The following CSMD3 variants were observed in gnomAD, a reference collection of about 807,000 sequenced individuals.
CSMD3 encodes the protein CUB and sushi domain-containing protein 3.
CSMD3 carries 177 observed loss-of-function variants against 435.2 expected under a neutral mutation model. The observed-to-expected ratio is 0.41, with a 90% CI of 0.36 to 0.46. The LOEUF (loss-of-function observed/expected upper bound fraction) is 0.46. CSMD3 is among the 20% of genes least tolerant of loss of function. The pLI, the probability that CSMD3 is intolerant of heterozygous loss-of-function variation, is 0.34. For missense variants in CSMD3, 4,265 were observed against 4,504.6 expected, an observed-to-expected ratio of 0.95 and a Z score of 1.52; for synonymous variants, 1,656 against 1,520.5, an observed-to-expected ratio of 1.09 and a Z score of -2.07.
At chr8:112,394,649 C>T (rs912607993) in intron 35 of CSMD3, among the ~76,000 whole-genome samples, 10 of 152,132 alleles carry the variant, frequency 6.6e-5, no homozygotes, top group African/African-American at 2.4e-4. Flanking sequence ...ATTCATCCCT[C>T]CCTCTGTTCA....
chr8:112,526,345 G>T (rs998965903), intron 27 of CSMD3, among the ~76,000 whole-genome samples: 2 of 151,872 alleles, frequency 1.3e-5, no homozygotes, highest in African/African-American at 4.8e-5. Context: ...AGAGAACATG[G>T]TACTGGCATA....
chr8:112,586,206 G>A (rs1830715604), intron 23 of CSMD3, among the ~76,000 whole-genome samples: 1 of 151,256 alleles, frequency 6.6e-6, no homozygotes, highest in Non-Finnish European at 1.5e-5. Flanking sequence ...TTCTCCTGCT[G>A]CAGCCAATTT....
intron 7 of CSMD3, among the ~76,000 whole-genome samples, chr8:112,975,583 G>T (rs549143030): frequency 2.6e-5 from 4 of 152,110 alleles, no homozygotes; most frequent in Admixed American, 2.0e-4. Context: ...GTTTAAAAAT[G>T]ATTTCTGTTC....
At chr8:113,161,614 TTC>T (rs1412759520) in intron 4 of CSMD3, among the ~76,000 whole-genome samples, 1 of 152,088 alleles carries the variant, frequency 6.6e-6, no homozygotes, top group Admixed American at 6.6e-5. Flanking sequence ...ATTGCTGGTG[TTC>T]TCTCTTTTTA....
chr8:112,233,882 T>C (rs1813316391), intron 68 of CSMD3, among the ~76,000 whole-genome samples: 1 of 152,154 alleles, frequency 6.6e-6, no homozygotes, highest in African/African-American at 2.4e-5. Flanking sequence ...ATGGACTTTA[T>C]ATATAAAATA....
intron 13 of CSMD3, among the ~76,000 whole-genome samples, chr8:112,749,777 G>A (rs763381205): frequency 1.3e-5 from 2 of 151,926 alleles, no homozygotes; most frequent in Non-Finnish European, 2.9e-5. Context: ...ATATGAGGAC[G>A]AACATGTCTA....
At position 112,671,912 on chromosome 8, in the gene CSMD3, CACT is replaced by C. The variant is rs1168298266; in HGVS notation, c.2678-5500_2678-5498del. ...TCTAACCCCATTTTAAGTGCCTCTC[CACT>C]ACTATTATTCATTTTTTAATTAATT... On this transcript the variant is annotated intron_variant, in intron 16 of 70. Transcript: ENST00000297405. Among the ~76,000 whole-genome samples the C allele has an allele frequency of 1.1e-4, 16 of 151,980 alleles. No homozygotes were observed. The East Asian group carries it at 3.1e-3, about 30-fold the overall frequency.
At chr8:112,383,174 T>C (rs1354445405) in intron 37 of CSMD3, among the ~76,000 whole-genome samples, 1 of 152,190 alleles carries the variant, frequency 6.6e-6, no homozygotes, top group Non-Finnish European at 1.5e-5. Flanking sequence ...TAACAGTACC[T>C]TGTAGCATTT....
chr8:113,408,604 G>A (rs1199670145), intron 1 of CSMD3, among the ~76,000 whole-genome samples: 1 of 151,084 alleles, frequency 6.6e-6, no homozygotes, highest in East Asian at 1.9e-4. Flanking sequence ...AAAGGTGCAG[G>A]CAAAGAAGCA....
At chr8:112,709,828 G>C (rs752270589) in intron 13 of CSMD3, among the ~76,000 whole-genome samples, 5 of 152,044 alleles carry the variant, frequency 3.3e-5, no homozygotes, top group Non-Finnish European at 5.9e-5. Flanking sequence ...TAGTGTTAGG[G>C]TTTTAATGAG....
chr8:112,588,313 G>T (rs1830900351), intron 22 of CSMD3, among the ~76,000 whole-genome samples: 1 of 151,328 alleles, frequency 6.6e-6, no homozygotes, highest in Non-Finnish European at 1.5e-5. Context: ...CAAAAATAAG[G>T]CAAAGGAAAC....
intron 13 of CSMD3, among the ~76,000 whole-genome samples, chr8:112,718,445 T>A (rs2076781956): frequency 6.6e-6 from 1 of 151,870 alleles, no homozygotes; most frequent in Admixed American, 6.6e-5. Flanking sequence ...AAGCTTGAAC[T>A]ATTTCATTCT....
chr8:112,556,655 GA>G, intron 25 of CSMD3, 107 bp downstream of exon 25: 1 of 799,440 alleles, frequency 1.3e-6, no homozygotes, highest in Non-Finnish European at 2.0e-6. Flanking sequence ...TTAATTTCTC[GA>G]TATAAAGTGT....
At chr8:112,553,582 T>C (rs1294975917) in intron 25 of CSMD3, among the ~76,000 whole-genome samples, 1 of 152,068 alleles carries the variant, frequency 6.6e-6, no homozygotes, top group African/African-American at 2.4e-5. Context: ...TATCAGGCAC[T>C]TGTGCATGAG....
chr8:112,943,993 A>G (rs984315230), intron 9 of CSMD3, among the ~76,000 whole-genome samples: 2 of 151,718 alleles, frequency 1.3e-5, no homozygotes, highest in African/African-American at 4.8e-5. Flanking sequence ...AAGCTCAGTA[A>G]TGCTAGGTAG....
chr8:112,867,793 G>A (rs192427372), intron 10 of CSMD3, among the ~76,000 whole-genome samples: 8 of 152,264 alleles, frequency 5.3e-5, no homozygotes, highest in Admixed American at 2.0e-4. Flanking sequence ...AGGTAAGTCA[G>A]AGAGTGAGGA....
At chr8:113,003,906 T>A (rs2085958149) in intron 6 of CSMD3, among the ~76,000 whole-genome samples, 1 of 152,064 alleles carries the variant, frequency 6.6e-6, no homozygotes, top group Non-Finnish European at 1.5e-5. Flanking sequence ...GTGAATACAT[T>A]GGCCTTACCG....
intron 31 of CSMD3, among the ~76,000 whole-genome samples, chr8:112,480,598 T>C (rs182117373): frequency 3.9e-5 from 6 of 152,238 alleles, no homozygotes; most frequent in East Asian, 1.9e-4. Context: ...TCCCAAGATA[T>C]GGTTGTTTAA....
intron 13 of CSMD3, among the ~76,000 whole-genome samples, chr8:112,730,832 G>A (rs887571790): frequency 2.0e-5 from 3 of 152,030 alleles, no homozygotes; most frequent in Non-Finnish European, 4.4e-5. Context: ...AGCTATAAAC[G>A]AAGTGGGTGT....
Sources: allele counts gnomAD v4.1 joint callset (sites outside exome capture counted in the v4.1 genomes callset), GRCh38; gene constraint gnomAD v4.1.1; transcripts MANE v1.5; gene names NCBI Gene and HGNC (gene_info 2026-07-23, HGNC 2026-07-21).